CNOT6L: variants seen among roughly 807,000 people sequenced by gnomAD.
CNOT6L encodes the protein CCR4-NOT transcription complex subunit 6 like, also known as CCR4-NOT transcription complex subunit 6-like.
CNOT6L carries 7 observed loss-of-function variants against 64.0 expected under a neutral mutation model. That is an observed-to-expected ratio of 0.11 (90% CI 0.06 to 0.21). The LOEUF is 0.21. Among genes scored for constraint, CNOT6L ranks in the 10% least tolerant of loss-of-function variants. The pLI is 1.00. For synonymous variants in CNOT6L, 193 were observed against 243.4 expected, an observed-to-expected ratio of 0.79 and a Z score of 1.93; for missense variants, 245 against 669.0, an observed-to-expected ratio of 0.37 and a Z score of 6.99.
At chr4:77,795,150 G>C (rs1015309266) in intron 1 of CNOT6L, among the ~76,000 whole-genome samples, 1 of 151,124 alleles carries the variant, frequency 6.6e-6, no homozygotes, top group African/African-American at 2.4e-5. Context: ...CTCCTGAGTA[G>C]CTGAGATTAC....
chr4:77,766,618 T>A (rs994317494), intron 4 of CNOT6L, among the ~76,000 whole-genome samples: 1 of 151,002 alleles, frequency 6.6e-6, no homozygotes, highest in African/African-American at 2.4e-5. Flanking sequence ...TGCAGACAAG[T>A]TTTTAGAAGA....
At chr4:77,819,464 G>A (rs1222823188), upstream of CNOT6L, 108 of 1,489,100 alleles carry the variant, frequency 7.3e-5, no homozygotes, top group Non-Finnish European at 8.9e-5. Context: ...CACCCACGGC[G>A]GGCCTCGCTC....
intron 1 of CNOT6L, among the ~76,000 whole-genome samples, chr4:77,806,962 G>A (rs180752675): frequency 2.0e-5 from 3 of 152,198 alleles, no homozygotes; most frequent in Admixed American, 2.0e-4. Context: ...GCCAAACTCT[G>A]TATTAAGCCC....
At chr4:77,819,088 G>T (rs1402905990) in intron 1 of CNOT6L, 2 of 379,330 alleles carry the variant, frequency 5.3e-6, no homozygotes, top group Non-Finnish European at 8.8e-6. Flanking sequence ...CGGAACCTTC[G>T]CCCGCCTCTG....
chr4:77,741,238 G>C (rs1197756791), intron 8 of CNOT6L, among the ~76,000 whole-genome samples: 1 of 152,110 alleles, frequency 6.6e-6, no homozygotes, highest in Non-Finnish European at 1.5e-5. Context: ...AGATAAATGG[G>C]AAGTGGACCA....
chr4:77,759,335 GCGGGTGGAT>G (rs1442475170), intron 4 of CNOT6L, among the ~76,000 whole-genome samples: 1 of 151,886 alleles, frequency 6.6e-6, no homozygotes, highest in Non-Finnish European at 1.5e-5. Flanking sequence ...GGAGGCCGAG[GCGGGTGGAT>G]CATGAGGTCA....
At chr4:77,728,438 A>AAT (rs1160443954) in intron 10 of CNOT6L, among the ~76,000 whole-genome samples, 1 of 152,148 alleles carries the variant, frequency 6.6e-6, no homozygotes, top group Non-Finnish European at 1.5e-5. Context: ...GTGAGGTAAG[A>AAT]ATATATATTT....
intron 8 of CNOT6L, among the ~76,000 whole-genome samples, chr4:77,738,920 A>G (rs754702884): frequency 6.6e-5 from 10 of 152,160 alleles, no homozygotes; most frequent in Non-Finnish European, 1.2e-4. Context: ...TTTATCACTC[A>G]AAGTTCTATT....
chr4:77,739,273 G>A (rs1311586814), intron 8 of CNOT6L, among the ~76,000 whole-genome samples: 5 of 152,172 alleles, frequency 3.3e-5, no homozygotes, highest in Non-Finnish European at 7.3e-5. Flanking sequence ...GGAATTATCA[G>A]ATACTCTGAT....
chr4:77,744,760 C>T lies in CNOT6L; in HGVS notation c.675G>A (p.Met225Ile). The change falls in exon 7 of 12, where the codon ATG (methionine) becomes ATA (isoleucine). Residue 225 changes from methionine to isoleucine, a missense_variant. Coordinates refer to ENST00000504123, the MANE Select transcript of CNOT6L (RefSeq NM_144571.3). The stretch of plus-strand genomic sequence containing the variant: ...CTGCGTCACAGTTAACAATTTCTTC[C>T]ATAATTCCCTTTTTCCTGTATTCCC... The part of the protein sequence containing the change: ...LNWEYRKKGI[M>I]EEIVNCDADI... 6.2e-7 allele frequency: 1 copy of T among 1,613,290 alleles called. No individual in the cohort carries two copies. Among genetic ancestry groups the T allele is most frequent in the Non-Finnish European group, 8.5e-7 (1 of 1,179,586 alleles).
At chr4:77,808,357 G>A (rs376774269) in intron 1 of CNOT6L, among the ~76,000 whole-genome samples, 4 of 151,770 alleles carry the variant, frequency 2.6e-5, no homozygotes, top group African/African-American at 7.3e-5. Flanking sequence ...AGCTTCTCGG[G>A]AGGCTGAGGC....
intron 5 of CNOT6L, among the ~76,000 whole-genome samples, chr4:77,752,431 G>A (rs536595184): frequency 3.3e-5 from 5 of 152,180 alleles, no homozygotes; most frequent in African/African-American, 1.2e-4. Flanking sequence ...CATCTAATGA[G>A]AAGAGACATT....
At chr4:77,739,665 A>G (rs1261298658) in intron 8 of CNOT6L, among the ~76,000 whole-genome samples, 1 of 152,210 alleles carries the variant, frequency 6.6e-6, no homozygotes, top group Non-Finnish European at 1.5e-5. Flanking sequence ...AAGAAGTTGA[A>G]AAGAGGTACA....
At chr4:77,775,305 C>T (rs1728029342) in intron 2 of CNOT6L, among the ~76,000 whole-genome samples, 1 of 152,124 alleles carries the variant, frequency 6.6e-6, no homozygotes, top group African/African-American at 2.4e-5. Context: ...ATTGACATTA[C>T]AATGTGGGGT....
In CNOT6L at chr4:77,760,725, A is replaced by AT. The variant is rs796165992; in HGVS notation, c.401-3775dup. Reference sequence around the variant, plus strand: ...CAAAAAGACAGTAAAAGGAAAGGAAATTTTTTTTTTTTTCAGACTGGAGTG... The same window carrying AT: ...CAAAAAGACAGTAAAAGGAAAGGAAATTTTTTTTTTTTTTCAGACTGGAGTG... On this transcript the variant is annotated intron_variant, in intron 4 of 11. Transcript: ENST00000504123. Among the ~76,000 whole-genome samples the AT allele has an allele frequency of 4.1e-3, 604 of 145,694 alleles. 2 individuals are homozygous for AT. The highest frequency in any genetic ancestry group is 0.01 in the African/African-American group (414 of 40,006).
intron 9 of CNOT6L, among the ~76,000 whole-genome samples, chr4:77,729,834 ACATT>A (rs1421576081): frequency 5.3e-5 from 8 of 152,168 alleles, no homozygotes; most frequent in African/African-American, 1.9e-4. Flanking sequence ...TAGATGGAAT[ACATT>A]AAGATTTTTG....
rs1371643214 is a variant in CNOT6L, at chr4:77,716,273, G to A, written c.*4158C>T. 4 of 152,014 alleles carry A rather than the reference G, an allele frequency of 2.6e-5. No individual in the cohort carries two copies. Among genetic ancestry groups the A allele is most frequent in the Admixed American group, 6.6e-5 (1 of 15,232 alleles). The allele number at this position is 152,014 out of a possible 1,614,324, so 9.4% of individuals were successfully genotyped here. A position where few individuals can be genotyped will look rare whatever the true frequency, so the allele number is the denominator to read the frequency against. ...ACCATTATTTTCCAAAAACTGGTCAGCATATTTTGCAAAGCTATTAAAATA... is the reference window on the plus strand; with the variant it reads ...ACCATTATTTTCCAAAAACTGGTCAACATATTTTGCAAAGCTATTAAAATA... On this transcript the variant is annotated 3_prime_UTR_variant, in exon 12 of 12. Coordinates refer to ENST00000504123, the MANE Select transcript of CNOT6L (RefSeq NM_144571.3).
At chr4:77,767,471 T>G (rs1248684256) in intron 4 of CNOT6L, among the ~76,000 whole-genome samples, 1 of 152,206 alleles carries the variant, frequency 6.6e-6, no homozygotes, top group African/African-American at 2.4e-5. Flanking sequence ...GACAATATGC[T>G]AATTGGTACA....
intron 1 of CNOT6L, among the ~76,000 whole-genome samples, chr4:77,805,628 T>C (rs924712631): frequency 2.0e-5 from 3 of 152,344 alleles, no homozygotes; most frequent in Admixed American, 6.5e-5. Flanking sequence ...ATTAGACTCA[T>C]TGCAAGACGT....
Sources: allele counts gnomAD v4.1 joint callset (sites outside exome capture counted in the v4.1 genomes callset), GRCh38; gene constraint gnomAD v4.1.1; transcripts MANE v1.5; gene names NCBI Gene and HGNC (gene_info 2026-07-23, HGNC 2026-07-21).